SDK2: variants seen among roughly 807,000 people sequenced by gnomAD.
SDK2 encodes protein sidekick-2.
Under a neutral mutation model 253.9 loss-of-function variants are expected in SDK2, and 105 were observed. The ratio of observed to expected loss-of-function variants is 0.41; its 90% CI spans 0.35 to 0.49. SDK2 has a LOEUF of 0.49. SDK2 is among the 20% of genes least tolerant of loss of function. SDK2 has a pLI of 0.06. For synonymous variants in SDK2, 1,249 were observed against 1,234.9 expected (o/e 1.01, Z -0.24); for missense variants, 2,608 against 3,003.0 (o/e 0.87, Z 3.07).
At chr17:73,603,007 G>C (rs1298870279) in intron 1 of SDK2, among the ~76,000 whole-genome samples, 1 of 152,156 alleles carries the variant, frequency 6.6e-6, no homozygotes, top group Non-Finnish European at 1.5e-5. Flanking sequence ...TTATAGGCAT[G>C]AGCCACTGTG....
At chr17:73,441,214 C>T (rs563180736) in intron 5 of SDK2, among the ~76,000 whole-genome samples, 8 of 152,140 alleles carry the variant, frequency 5.3e-5, no homozygotes, top group Non-Finnish European at 1.0e-4. Flanking sequence ...CCACCACCAC[C>T]CTGTCCTGTT....
intron 38 of SDK2, 67 bp downstream of exon 38, chr17:73,365,191 G>A (rs2062673557): frequency 1.6e-6 from 2 of 1,281,086 alleles, no homozygotes; most frequent in African/African-American, 3.0e-5. Context: ...GCTGTGATGG[G>A]CGCTGAGATG....
chr17:73,488,024 C>CA (rs533653743), intron 2 of SDK2, among the ~76,000 whole-genome samples: 2 of 150,806 alleles, frequency 1.3e-5, no homozygotes, highest in Non-Finnish European at 3.0e-5. Flanking sequence ...ATGACTGTCC[C>CA]TTTTTTTTTG....
chr17:73,551,504 C>G (rs892685706), intron 1 of SDK2, among the ~76,000 whole-genome samples: 1 of 152,218 alleles, frequency 6.6e-6, no homozygotes, highest in Non-Finnish European at 1.5e-5. Flanking sequence ...CTCCTTCCAT[C>G]TCTGGTGTCA....
At chr17:73,615,075 C>T (rs148704410) in intron 1 of SDK2, among the ~76,000 whole-genome samples, 440 of 151,982 alleles carry the variant, frequency 2.9e-3, no homozygotes, top group African/African-American at 9.9e-3. Context: ...AAGTGTCAGC[C>T]ACCTCTAGGT....
chr17:73,549,958 T>A (rs537971721), intron 1 of SDK2, among the ~76,000 whole-genome samples: 1 of 152,130 alleles, frequency 6.6e-6, no homozygotes, highest in South Asian at 2.1e-4. Context: ...GGAATGAGAC[T>A]GTGGGTGAGG....
intron 36 of SDK2, among the ~76,000 whole-genome samples, chr17:73,376,207 A>C (rs2145457090): frequency 6.6e-6 from 1 of 150,578 alleles, no homozygotes; most frequent in East Asian, 2.0e-4. Context: ...AAAAAAAAAA[A>C]AATTCAAACC....
At chr17:73,482,245 G>C (rs2063730100) in intron 2 of SDK2, among the ~76,000 whole-genome samples, 1 of 151,360 alleles carries the variant, frequency 6.6e-6, no homozygotes, top group South Asian at 2.1e-4. Flanking sequence ...ACTGTGCTCT[G>C]GCCTGCGTGA....
At position 73,386,452 on chromosome 17, in the gene SDK2, C is replaced by T. The variant is rs1359328594; in HGVS notation, c.4491G>A (p.Leu1497=). The change falls in exon 31 of 45, where the codon CTG becomes CTA. Residue 1497 remains leucine, a synonymous_variant. Transcript: ENST00000392650. ...TGGGGAAGGGGTACTGACCAGCCTG[C>T]AGGGTGGTCAGTGACTCCGACTCCT... ...FSEESESLTT[L]QAAPDEAPTI... 3.2e-6 allele frequency: 5 copies of T among 1,553,932 alleles called. No individual in the cohort carries two copies. The highest frequency in any genetic ancestry group is 4.4e-6 in the Non-Finnish European group (5 of 1,147,660).
rs1599458693 is a variant in SDK2 at position 73,336,167 on chromosome 17, T to C, written c.*2420A>G. 2 of 127,006 alleles carry C rather than the reference T, an allele frequency of 1.6e-5. No homozygotes were observed. Among genetic ancestry groups the C allele is most frequent in the Admixed American group, 1.7e-4 (2 of 11,676 alleles). 7.9% of individuals were successfully genotyped at this position (127,006 alleles called of 1,614,324 possible). A position where few individuals can be genotyped will look rare whatever the true frequency, so the allele number is the denominator to read the frequency against. On this transcript the variant is annotated 3_prime_UTR_variant, in exon 45 of 45. Coordinates refer to ENST00000392650, the MANE Select transcript of SDK2 (RefSeq NM_001144952.2). ...AATGCTCAGCAGAGAGGGAAAGGGA[T>C]GAAGTTATTTAAAAAAAAAAAAAAA...
chr17:73,644,349 G>A lies in SDK2; in HGVS notation c.-261C>T, dbSNP rs537869636. Among the ~76,000 whole-genome samples, 131 of 152,288 alleles carry A rather than the reference G, an allele frequency of 8.6e-4. 1 individual carries two copies. The highest frequency in any genetic ancestry group is 3.2e-3 in the African/African-American group (131 of 41,582). On this transcript the variant is annotated 5_prime_UTR_variant, in exon 1 of 45. Transcript: ENST00000392650. The surrounding 1 kb of genome is among the most constrained non-coding windows in gnomAD (Gnocchi z 6.3). ...AGAAAGAGGCCAGGCCGCCCTCTCG[G>A]ACTAGGGCGCCTCTCTCCCTTAGCA...
chr17:73,616,945 G>A lies in SDK2; in HGVS notation c.64+27080C>T, dbSNP rs1216639934. ...TAGGGAGAGCGGAGGTCTAGAAAAGGTGCTGGGATGAGAGGGCGGGTTTTC... is the reference window on the plus strand; with the variant it reads ...TAGGGAGAGCGGAGGTCTAGAAAAGATGCTGGGATGAGAGGGCGGGTTTTC... On this transcript the variant is annotated intron_variant, in intron 1 of 44. Transcript: ENST00000392650. This position sits in a 1 kb window ranked among gnomAD's most constrained non-coding sequence, Gnocchi z 5.2. Among the ~76,000 whole-genome samples, 1 of 152,118 alleles carries A rather than the reference G, an allele frequency of 6.6e-6. No individual in the cohort carries two copies. Among genetic ancestry groups the A allele is most frequent in the Non-Finnish European group, 1.5e-5 (1 of 68,008 alleles).
rs902731823 is a variant in SDK2 at position 73,612,611 on chromosome 17, A to AAAT, written c.64+31411_64+31413dup. Among the ~76,000 whole-genome samples the AAAT allele has an allele frequency of 3.3e-5, 5 of 152,056 alleles. No homozygotes were observed. Among genetic ancestry groups the AAAT allele is most frequent in the South Asian group, 2.1e-4 (1 of 4,828 alleles). ...GGCAAAATGAGAAGCCCAGAGAGCC[A>AAAT]AATAATAATAATAATAGTAACAGTA... On this transcript the variant is annotated intron_variant, in intron 1 of 44. Coordinates refer to ENST00000392650, the MANE Select transcript of SDK2 (RefSeq NM_001144952.2). This position sits in a 1 kb window ranked among gnomAD's most constrained non-coding sequence, Gnocchi z 4.4.
At chr17:73,584,528 C>T (rs73353305) in intron 1 of SDK2, among the ~76,000 whole-genome samples, 3,293 of 152,322 alleles carry the variant, frequency 0.022, 104 homozygotes, top group African/African-American at 0.071. Context: ...CCCTGCTCTC[C>T]GACTGTAGGA....
chr17:73,401,700 C>T lies in SDK2; in HGVS notation c.2733G>A (p.Leu911=). The change falls in exon 20 of 45, where the codon CTG becomes CTA. Residue 911 remains leucine (L), a synonymous_variant. Transcript: ENST00000392650. ...CTCCCGGCTCTTGCCAGCTGACCTT[C>T]AGCGATGTGTCCAGGATCTCACTGA... ...LSFSEILDTS[L]KVSWQEPGEK... 2 of 1,595,364 alleles carry T rather than the reference C, an allele frequency of 1.3e-6. No homozygotes were observed. Among genetic ancestry groups the T allele is most frequent in the East Asian group, 2.2e-5 (1 of 44,542 alleles).
At chr17:73,569,199 CTTTTT>C (rs531392828) in intron 1 of SDK2, among the ~76,000 whole-genome samples, 1 of 137,530 alleles carries the variant, frequency 7.3e-6, no homozygotes. Context: ...TCTTTCTTTT[CTTTTT>C]TTTTTTTTTT....
At chr17:73,488,779 A>G (rs2063785517) in intron 2 of SDK2, among the ~76,000 whole-genome samples, 1 of 152,198 alleles carries the variant, frequency 6.6e-6, no homozygotes, top group Admixed American at 6.5e-5. Context: ...TTGTGCAATT[A>G]TCTTCATTAA....
chr17:73,375,875 G>T lies in SDK2; in HGVS notation c.4980+3302C>A, dbSNP rs201971440. Reference sequence around the variant, plus strand: ...CATCTCAGGAAAAAAAAGAAAGAAAGAAATAAAATAAACTAAACTAAAATA... The same window carrying T: ...CATCTCAGGAAAAAAAAGAAAGAAATAAATAAAATAAACTAAACTAAAATA... On this transcript the variant is annotated intron_variant, in intron 36 of 44. Transcript: ENST00000392650. Among the ~76,000 whole-genome samples, 118 of 126,352 alleles carry T rather than the reference G, an allele frequency of 9.3e-4. 2 individuals carry two copies. The highest frequency in any genetic ancestry group is 2.4e-3 in the African/African-American group (82 of 34,704). The allele number at this position is 126,352 out of a possible 152,430, so 82.9% of individuals were successfully genotyped here.
intron 1 of SDK2, among the ~76,000 whole-genome samples, chr17:73,620,305 GAA>G (rs886258160): frequency 6.6e-6 from 1 of 152,058 alleles, no homozygotes; most frequent in Non-Finnish European, 1.5e-5. Flanking sequence ...AGTCATCAGG[GAA>G]ATACAAATCA....
Sources: gnomAD v4.1 joint callset for allele counts (sites outside exome capture counted in the v4.1 genomes callset) on GRCh38, gnomAD v4.1.1 for gene constraint, Gnocchi (gnomAD v3.1) non-coding constraint, MANE v1.5 for transcripts, NCBI Gene and HGNC (gene_info 2026-07-23, HGNC 2026-07-21) for gene names.